Variants in MT3 observed in about 807,000 individuals in gnomAD.
The protein encoded by MT3 is metallothionein 3.
A neutral mutation model predicts 10.9 loss-of-function variants in MT3; 8 were observed. The observed-to-expected ratio is 0.73, with a 90% CI of 0.43 to 1.33. MT3 has a LOEUF of 1.33. Among genes scored for constraint, MT3 ranks in the 40% most tolerant of loss-of-function variants. The pLI, the probability that MT3 is intolerant of heterozygous loss-of-function variation, is 0.01. For synonymous variants in MT3, 32 were observed against 29.9 expected, an observed-to-expected ratio of 1.07 and a Z score of -0.23; for missense variants, 75 against 83.9, an observed-to-expected ratio of 0.89 and a Z score of 0.41.
Position 56,589,558 on chromosome 16 carries a change from C to G in MT3, c.-33C>G, listed in dbSNP as rs748033231. On this transcript the variant is annotated 5_prime_UTR_variant, in exon 1 of 3. Coordinates refer to ENST00000200691, the MANE Select transcript of MT3 (RefSeq NM_005954.4). ...GCGCGTCCAGTTGCTTGGAGAAGCCCGTTCACCGCCTCCAGCTGCTGCTCT... is the reference window on the plus strand; with the variant it reads ...GCGCGTCCAGTTGCTTGGAGAAGCCGGTTCACCGCCTCCAGCTGCTGCTCT... 1.3e-5 allele frequency: 20 copies of G among 1,547,108 alleles called. No individual in the cohort carries two copies. Among genetic ancestry groups the G allele is most frequent in the East Asian group, 2.3e-5 (1 of 43,860 alleles).
chr16:56,590,940 C>T lies in MT3; in HGVS notation c.198C>T (p.Cys66=), dbSNP rs369569576. The part of the protein sequence containing the change: ...AAEAEAEKCS[C]CQ Reference sequence around the variant, plus strand: ...AGGCAGAAGCAGAGAAGTGCAGCTGCTGCCAGTGAGAAGGCACCCCTCCGT... The same window carrying T: ...AGGCAGAAGCAGAGAAGTGCAGCTGTTGCCAGTGAGAAGGCACCCCTCCGT... The change falls in exon 3 of 3, where the codon TGC becomes TGT. Residue 66 remains cysteine (C), a synonymous_variant. Transcript: ENST00000200691. 3 of 1,613,334 alleles carry T rather than the reference C, an allele frequency of 1.9e-6. No homozygotes were observed. Among genetic ancestry groups the T allele is most frequent in the Middle Eastern group, 3.3e-4 (2 of 6,060 alleles).
At chr16:56,589,674 A>G in intron 1 of MT3, 53 bp downstream of exon 1, 1 of 1,604,950 alleles carries the variant, frequency 6.2e-7, no homozygotes, top group Non-Finnish European at 8.5e-7. Flanking sequence ...TTGTACCTGC[A>G]AAGAAACCCA....
At chr16:56,590,070 G>A (rs1198642154) in intron 2 of MT3, 135 bp downstream of exon 2, 5 of 896,644 alleles carry the variant, frequency 5.6e-6, no homozygotes, top group Middle Eastern at 2.1e-4. Context: ...AGAACCACCC[G>A]GGCAGACATT....
chr16:56,590,934 C>T lies in MT3; in HGVS notation c.192C>T (p.Cys64=), dbSNP rs374052108. 3.1e-6 allele frequency: 5 copies of T among 1,613,160 alleles called. No homozygotes were observed. Among genetic ancestry groups the T allele is most frequent in the Non-Finnish European group, 3.4e-6 (4 of 1,179,810 alleles). ...GEAAEAEAEK[C]SCCQ ...CAGCTGAGGCAGAAGCAGAGAAGTG[C>T]AGCTGCTGCCAGTGAGAAGGCACCC... Residue 64 remains cysteine, a synonymous_variant, in exon 3 of 3, where the codon TGC becomes TGT. Transcript: ENST00000200691.
chr16:56,590,100 C>A, intron 2 of MT3, 165 bp downstream of exon 2: 1 of 754,694 alleles, frequency 1.3e-6, no homozygotes, highest in Non-Finnish European at 2.3e-6. Flanking sequence ...ATGCCCCTGC[C>A]CCACACCCAG....
rs1257021760 is a variant in MT3, at chr16:56,589,948, A to G, written c.97+13A>G. 1.2e-5 allele frequency: 20 copies of G among 1,613,116 alleles called. No individual in the cohort carries two copies. Among genetic ancestry groups the G allele is most frequent in the Non-Finnish European group, 1.7e-5 (20 of 1,179,766 alleles). ...TCCTGCAAGAAGAGTGAGTGCGGGG[A>G]CCCTTCCCCTCTGCCGCCGCCCCCT... is the stretch of plus-strand genomic sequence containing the variant. On this transcript the variant is annotated intron_variant, in intron 2 of 2. Coordinates refer to ENST00000200691, the MANE Select transcript of MT3 (RefSeq NM_005954.4).
chr16:56,590,846 G>C lies in MT3; in HGVS notation c.104G>C (p.Cys35Ser). 2 of 1,613,736 alleles carry C rather than the reference G, an allele frequency of 1.2e-6. No individual in the cohort carries two copies. ...CKCTSCKKSC[C>S]SCCPAECEKC... ...TCTTCCATTTTATCTGCAGGCTGCT[G>C]CTCCTGCTGCCCTGCGGAGTGTGAG... is the stretch of plus-strand genomic sequence containing the variant. The change falls in exon 3 of 3, where the codon TGC becomes TCC. Residue 35 changes from cysteine to serine, a missense_variant. Physicochemically the swap from Cys to Ser is moderately radical, Grantham distance 112. Coordinates refer to ENST00000200691, the MANE Select transcript of MT3 (RefSeq NM_005954.4).
rs534680274 is a variant in MT3 at position 56,590,673 on chromosome 16, A to C, written c.98-167A>C. ...GGAGGTGCAGGATGCCACTGCCGCG[A>C]CATAGATGCTGAGTCAAAGCAGGTG... On this transcript the variant is annotated intron_variant, in intron 2 of 2. Coordinates refer to ENST00000200691, the MANE Select transcript of MT3 (RefSeq NM_005954.4). The C allele has an allele frequency of 7.7e-6, 5 of 646,072 alleles. No homozygotes were observed. In the African/African-American group the frequency reaches 9.0e-5, roughly 12 times the overall value. 40.0% of individuals were successfully genotyped at this position (646,072 alleles called of 1,614,324 possible). A position where few individuals can be genotyped will look rare whatever the true frequency, so the allele number is the denominator to read the frequency against.
Position 56,589,539 on chromosome 16 carries a change from C to T in MT3, c.-52C>T, listed in dbSNP as rs756841829. Reference sequence around the variant, plus strand: ...TGCTGCCACTAGCCAAGCCGCGCGTCCAGTTGCTTGGAGAAGCCCGTTCAC... The same window carrying T: ...TGCTGCCACTAGCCAAGCCGCGCGTTCAGTTGCTTGGAGAAGCCCGTTCAC... On this transcript the variant is annotated 5_prime_UTR_variant, in exon 1 of 3. Coordinates refer to ENST00000200691, the MANE Select transcript of MT3 (RefSeq NM_005954.4). 36 of 1,524,406 alleles carry T rather than the reference C, an allele frequency of 2.4e-5. No individual in the cohort carries two copies. Among genetic ancestry groups the T allele is most frequent in the Non-Finnish European group, 3.1e-5 (35 of 1,139,784 alleles). The allele number at this position is 1,524,406 out of a possible 1,614,324, so 94.4% of individuals were successfully genotyped here. A position where few individuals can be genotyped will look rare whatever the true frequency, so the allele number is the denominator to read the frequency against.
intron 2 of MT3, chr16:56,590,333 A>G: frequency 1.7e-6 from 1 of 583,174 alleles, no homozygotes; most frequent in South Asian, 2.1e-5. Flanking sequence ...TTTGATCTCA[A>G]AATCTCCCCA....
rs779181641 is a variant in MT3, at chr16:56,589,967, G to A, written c.97+32G>A. 5 of 1,608,350 alleles carry A rather than the reference G, an allele frequency of 3.1e-6. No individual in the cohort carries two copies. In the African/African-American group the frequency reaches 5.3e-5, roughly 17 times the overall value. ...GCGGGGACCCTTCCCCTCTGCCGCC[G>A]CCCCCTCTGCTCTGCGGAGTCGGTG... On this transcript the variant is annotated intron_variant, in intron 2 of 2. Transcript: ENST00000200691.
rs765957815 is a variant in MT3 at position 56,589,630 on chromosome 16, C to T, written c.31+9C>T. 1 of 1,605,688 alleles carries T rather than the reference C, an allele frequency of 6.2e-7. No individual in the cohort carries two copies. The highest frequency in any genetic ancestry group is 8.5e-7 in the Non-Finnish European group (1 of 1,179,702). ...CTGCCCCTGCCCTTCTGGTGAGCCC[C>T]CGCCCCCGCTCGCATCCTGCGCACT... On this transcript the variant is annotated intron_variant, in intron 1 of 2. Transcript: ENST00000200691.
At position 56,589,542 on chromosome 16, in the gene MT3, G is replaced by A. The variant is rs755721409; in HGVS notation, c.-49G>A. On this transcript the variant is annotated 5_prime_UTR_variant, in exon 1 of 3. Transcript: ENST00000200691. ...TGCCACTAGCCAAGCCGCGCGTCCA[G>A]TTGCTTGGAGAAGCCCGTTCACCGC... 4.6e-6 allele frequency: 7 copies of A among 1,526,992 alleles called. No individual in the cohort carries two copies. Among genetic ancestry groups the A allele is most frequent in the African/African-American group, 1.4e-5 (1 of 72,134 alleles). 94.6% of individuals were successfully genotyped at this position (1,526,992 alleles called of 1,614,324 possible). A position where few individuals can be genotyped will look rare whatever the true frequency, so the allele number is the denominator to read the frequency against.
intron 2 of MT3, chr16:56,590,367 A>G: frequency 3.7e-6 from 2 of 533,524 alleles, no homozygotes; most frequent in Non-Finnish European, 6.7e-6. Context: ...TAATATGCAT[A>G]GGGAGTAAGA....
chr16:56,590,049 C>A, intron 2 of MT3, 114 bp downstream of exon 2: 1 of 1,174,192 alleles, frequency 8.5e-7, no homozygotes, highest in Non-Finnish European at 1.2e-6. Context: ...GTTTCTGACT[C>A]TTGCTGGAAT....
intron 2 of MT3, chr16:56,590,145 T>C (rs1276802056): frequency 4.3e-6 from 3 of 699,620 alleles, no homozygotes; most frequent in Non-Finnish European, 7.8e-6. Context: ...GAGAGGTTTT[T>C]GTAAATCCCC....
In MT3 at chr16:56,589,868, A is replaced by G. The variant is rs1863322980; in HGVS notation, c.32-2A>G. On this transcript the variant is annotated splice_acceptor_variant, in intron 1 of 2. Transcript: ENST00000200691. LOFTEE classifies it high-confidence loss of function. ...CCCTTCCTGTGGCGTCGCCCTCTCT[A>G]GGTGGCTCCTGCACCTGCGCGGACT... The G allele has an allele frequency of 6.2e-7, 1 of 1,613,898 alleles. No individual in the cohort carries two copies. The highest frequency in any genetic ancestry group is 8.5e-7 in the Non-Finnish European group (1 of 1,179,988).
chr16:56,590,966 G>A lies in MT3; in HGVS notation c.*17G>A, dbSNP rs1208841045. ...TGCCAGTGAGAAGGCACCCCTCCGT[G>A]TGGAGCACGTGGAGATAGTGCCAGG... On this transcript the variant is annotated 3_prime_UTR_variant, in exon 3 of 3. Coordinates refer to ENST00000200691, the MANE Select transcript of MT3 (RefSeq NM_005954.4). The A allele has an allele frequency of 4.4e-6, 7 of 1,603,514 alleles. No individual in the cohort carries two copies. Among genetic ancestry groups the A allele is most frequent in the South Asian group, 2.2e-5 (2 of 89,786 alleles).
At position 56,589,859 on chromosome 16, in the gene MT3, G is replaced by A. The variant is rs756335267; in HGVS notation, c.32-11G>A. The A allele has an allele frequency of 1.9e-6, 3 of 1,613,976 alleles. No individual in the cohort carries two copies. In the Admixed American group the frequency reaches 5.0e-5, roughly 27 times the overall value. The stretch of plus-strand genomic sequence containing the variant: ...CCACATTAACCCTTCCTGTGGCGTC[G>A]CCCTCTCTAGGTGGCTCCTGCACCT... On this transcript the variant is annotated splice_polypyrimidine_tract_variant and intron_variant, in intron 1 of 2. Coordinates refer to ENST00000200691, the MANE Select transcript of MT3 (RefSeq NM_005954.4).
Sources: allele counts gnomAD v4.1 joint callset, GRCh38; gene constraint gnomAD v4.1.1; transcripts MANE v1.5; gene names NCBI Gene and HGNC (gene_info 2026-07-23, HGNC 2026-07-21).